Variants in SLC9A2 observed in about 807,000 individuals in gnomAD.
SLC9A2 encodes solute carrier family 9 member A2.
A neutral mutation model predicts 71.7 loss-of-function variants in SLC9A2; 42 were observed. The ratio of observed to expected loss-of-function variants is 0.59; its 90% CI spans 0.46 to 0.76. SLC9A2 has a LOEUF of 0.76. SLC9A2 is among the 30% of genes least tolerant of loss of function. The pLI, the probability that SLC9A2 is intolerant of heterozygous loss-of-function variation, is 0.00. For synonymous variants in SLC9A2, 396 were observed against 392.5 expected, an observed-to-expected ratio of 1.01 and a Z score of -0.10; for missense variants, 829 against 1,017.4, an observed-to-expected ratio of 0.81 and a Z score of 2.52.
intron 1 of SLC9A2, among the ~76,000 whole-genome samples, chr2:102,632,147 C>CATATACACACAT (rs1676384046): frequency 1.8e-4 from 8 of 43,306 alleles, no homozygotes; most frequent in South Asian, 9.4e-4. Context: ...TGTATATATA[C>CATATACACACAT]ATATATACAC....
intron 3 of SLC9A2, among the ~76,000 whole-genome samples, chr2:102,670,616 A>C (rs1005325309): frequency 2.6e-5 from 4 of 151,044 alleles, no homozygotes; most frequent in South Asian, 2.1e-4. Flanking sequence ...AAAAAAAAAA[A>C]AAAAAACAAC....
intron 2 of SLC9A2, among the ~76,000 whole-genome samples, chr2:102,661,196 A>G (rs1677043701): frequency 1.3e-5 from 2 of 152,228 alleles, no homozygotes; most frequent in African/African-American, 4.8e-5. Flanking sequence ...TATTAGGCAA[A>G]GATTTTTCAG....
rs115179233 is a variant in SLC9A2 at position 102,705,493 on chromosome 2, A to C, written c.1978-353A>C. ...GAAAAAAAAAACACCTTACATATAT[A>C]TATTGTAAACATATCTTCTTCCCCA... is the stretch of plus-strand genomic sequence containing the variant. On this transcript the variant is annotated intron_variant, in intron 10 of 11. Transcript: ENST00000233969. Among the ~76,000 whole-genome samples, 265 of 152,164 alleles carry C rather than the reference A, an allele frequency of 1.7e-3. 1 individual carries two copies. The highest frequency in any genetic ancestry group is 6.1e-3 in the African/African-American group (252 of 41,542).
chr2:102,708,515 T>G lies in SLC9A2; in HGVS notation c.*26T>G, dbSNP rs749404526. On this transcript the variant is annotated 3_prime_UTR_variant, in exon 12 of 12. Transcript: ENST00000233969. ...GAGAAGCAGCGAAAGCAGATCTGAG[T>G]GTCTGACCCAGGACAGCTGTGGTTT... 2.5e-6 allele frequency: 4 copies of G among 1,601,376 alleles called. No individual in the cohort carries two copies. The highest frequency in any genetic ancestry group is 3.4e-6 in the Non-Finnish European group (4 of 1,173,470).
chr2:102,704,753 C>T, intron 10 of SLC9A2, 78 bp downstream of exon 10: 1 of 1,480,476 alleles, frequency 6.8e-7, no homozygotes, highest in Non-Finnish European at 9.3e-7. Flanking sequence ...ATGGTATCAT[C>T]AGCTCTGCAG....
rs911060493 is a variant in SLC9A2 at position 102,710,319 on chromosome 2, T to C, written c.*1830T>C. The C allele has an allele frequency of 1.3e-5, 2 of 152,438 alleles. No homozygotes were observed. Among genetic ancestry groups the C allele is most frequent in the Admixed American group, 1.3e-4 (2 of 15,282 alleles). 9.4% of individuals were successfully genotyped at this position (152,438 alleles called of 1,614,324 possible). On this transcript the variant is annotated 3_prime_UTR_variant, in exon 12 of 12. Transcript: ENST00000233969. The stretch of plus-strand genomic sequence containing the variant: ...CATGATTCAAGAAATGTGATGTAGA[T>C]TTTTGAGAATGCCAAAAATCAGGTT...
At position 102,711,067 on chromosome 2, in the gene SLC9A2, A is replaced by G. The variant is rs1678101071; in HGVS notation, c.*2578A>G. 6.6e-6 allele frequency: 1 copy of G among 152,316 alleles called. No homozygotes were observed. The highest frequency in any genetic ancestry group is 2.1e-4 in the South Asian group (1 of 4,830). The allele number at this position is 152,316 out of a possible 1,614,324, so 9.4% of individuals were successfully genotyped here. A position where few individuals can be genotyped will look rare whatever the true frequency, so the allele number is the denominator to read the frequency against. ...TGTATATGCTCACAAAATGTCTGTGAAGAGATTTCTTTCAGCTTTTGCTCA... is the reference window on the plus strand; with the variant it reads ...TGTATATGCTCACAAAATGTCTGTGGAGAGATTTCTTTCAGCTTTTGCTCA... On this transcript the variant is annotated 3_prime_UTR_variant, in exon 12 of 12. Transcript: ENST00000233969.
At chr2:102,636,288 C>G (rs1485572187) in intron 1 of SLC9A2, among the ~76,000 whole-genome samples, 1 of 152,208 alleles carries the variant, frequency 6.6e-6, no homozygotes, top group African/African-American at 2.4e-5. Flanking sequence ...AAAATACAGT[C>G]TTTTACCAAA....
intron 1 of SLC9A2, among the ~76,000 whole-genome samples, chr2:102,652,414 G>A (rs949379640): frequency 2.0e-5 from 3 of 152,084 alleles, no homozygotes; most frequent in African/African-American, 7.2e-5. Flanking sequence ...GGCCAGTCAT[G>A]CACCTCTTTC....
At chr2:102,641,885 C>A (rs1410561988) in intron 1 of SLC9A2, among the ~76,000 whole-genome samples, 2 of 140,276 alleles carry the variant, frequency 1.4e-5, no homozygotes, top group African/African-American at 5.6e-5. Context: ...ACATCACACA[C>A]CAGGGCCTGT....
chr2:102,658,131 G>T, intron 2 of SLC9A2, 104 bp downstream of exon 2: 1 of 849,068 alleles, frequency 1.2e-6, no homozygotes, highest in Admixed American at 2.4e-5. Flanking sequence ...CTGCACACAG[G>T]GTGGTTTCAT....
At chr2:102,625,394 A>C (rs1676226659) in intron 1 of SLC9A2, among the ~76,000 whole-genome samples, 2 of 152,138 alleles carry the variant, frequency 1.3e-5, no homozygotes, top group African/African-American at 4.8e-5. Context: ...ATATGTATAC[A>C]TGTGCCATGT....
At chr2:102,691,291 AT>A (rs142693567) in intron 5 of SLC9A2, among the ~76,000 whole-genome samples, 4 of 151,880 alleles carry the variant, frequency 2.6e-5, no homozygotes, top group Admixed American at 2.0e-4. Flanking sequence ...TAAGGGTTGT[AT>A]TTTTTTTATT....
intron 3 of SLC9A2, among the ~76,000 whole-genome samples, chr2:102,673,761 A>T (rs1007046081): frequency 5.9e-5 from 9 of 152,148 alleles, no homozygotes; most frequent in Non-Finnish European, 1.2e-4. Context: ...AATAAGTCAG[A>T]AATGTATAAT....
intron 5 of SLC9A2, among the ~76,000 whole-genome samples, chr2:102,689,250 A>G (rs1274628178): frequency 6.6e-6 from 1 of 152,016 alleles, no homozygotes; most frequent in Non-Finnish European, 1.5e-5. Context: ...CAGGAGGGGG[A>G]TATATTTGAG....
At chr2:102,694,985 G>C in intron 6 of SLC9A2, 58 bp from the exon 7 acceptor site, 1 of 1,421,826 alleles carries the variant, frequency 7.0e-7, no homozygotes, top group Non-Finnish European at 9.9e-7. Context: ...TACAAGTAGA[G>C]TGAAAATTAT....
intron 11 of SLC9A2, among the ~76,000 whole-genome samples, chr2:102,707,303 ATT>A (rs1268377905): frequency 4.2e-5 from 1 of 23,968 alleles, no homozygotes. Flanking sequence ...CTCTTTTTTT[ATT>A]TTTTTTTTTT....
chr2:102,673,530 G>A (rs1042186753), intron 3 of SLC9A2, among the ~76,000 whole-genome samples: 2 of 151,980 alleles, frequency 1.3e-5, no homozygotes, highest in African/African-American at 4.8e-5. Flanking sequence ...TTAACAATTC[G>A]CTCCTGAATT....
intron 10 of SLC9A2, among the ~76,000 whole-genome samples, chr2:102,705,439 T>A (rs568798310): frequency 2.6e-5 from 4 of 152,148 alleles, no homozygotes; most frequent in African/African-American, 9.6e-5. Flanking sequence ...TTTTGTTCTA[T>A]TAATATCATT....
Sources: gnomAD v4.1 joint callset for allele counts (sites outside exome capture counted in the v4.1 genomes callset) on GRCh38, gnomAD v4.1.1 for gene constraint, MANE v1.5 for transcripts, NCBI Gene and HGNC (gene_info 2026-07-23, HGNC 2026-07-21) for gene names.